The following PIEZO2 variants were observed in gnomAD, a reference collection of about 807,000 sequenced individuals.
PIEZO2 encodes the protein piezo-type mechanosensitive ion channel component 2.
In PIEZO2, 172 loss-of-function variants were observed where a neutral mutation model predicts 337.3. That is an observed-to-expected ratio of 0.51 (90% CI 0.45 to 0.58). The LOEUF (loss-of-function observed/expected upper bound fraction) is 0.58, where lower values mean the gene tolerates loss of function less well. PIEZO2 is among the 20% of genes least tolerant of loss of function. The probability of loss-of-function intolerance (pLI) is 0.00; values close to 1 mark genes in which losing one functional copy is unlikely to be tolerated. For synonymous variants in PIEZO2, 1,251 were observed against 1,228.5 expected, an observed-to-expected ratio of 1.02 and a Z score of -0.38; for missense variants, 3,028 against 3,391.3, an observed-to-expected ratio of 0.89 and a Z score of 2.66.
chr18:10,813,466 A>G lies in PIEZO2; in HGVS notation c.918-6192T>C, dbSNP rs549480926. On this transcript the variant is annotated intron_variant, in intron 7 of 55. Coordinates refer to ENST00000674853, the MANE Select transcript of PIEZO2 (RefSeq NM_001378183.1). This position sits in a 1 kb window ranked among gnomAD's most constrained non-coding sequence, Gnocchi z 4.2. Reference sequence around the variant, plus strand: ...TGTACTTTCTAAATCTGTGAATTTGACTACCTGGTACCTTATTTAGTGGAA... The same window carrying G: ...TGTACTTTCTAAATCTGTGAATTTGGCTACCTGGTACCTTATTTAGTGGAA... 8.0e-4 allele frequency among the ~76,000 whole-genome samples: 122 copies of G among 152,272 alleles called. No individual in the cohort carries two copies. The highest frequency in any genetic ancestry group is 1.4e-3 in the Non-Finnish European group (98 of 68,024).
chr18:10,779,133 T>C (rs1568047044), intron 18 of PIEZO2, among the ~76,000 whole-genome samples: 5 of 152,186 alleles, frequency 3.3e-5, no homozygotes, highest in Admixed American at 2.0e-4. Context: ...GCCTCGTTCA[T>C]TCCTCCTCCC....
chr18:11,001,759 C>T lies in PIEZO2; in HGVS notation c.161-22099G>A, dbSNP rs9961199. ...CATGCACAGTGGCTCACACCTGTAA[C>T]CCCAGCCACTCGGGAGGCTGAGGCA... is the stretch of plus-strand genomic sequence containing the variant. On this transcript the variant is annotated intron_variant, in intron 2 of 55. Transcript: ENST00000674853. This position sits in a 1 kb window ranked among gnomAD's most constrained non-coding sequence, Gnocchi z 5.3. Among the ~76,000 whole-genome samples, 5,825 of 151,918 alleles carry T rather than the reference C, an allele frequency of 0.038. 359 individuals carry two copies. Among genetic ancestry groups the T allele is most frequent in the African/African-American group, 0.13 (5,381 of 41,386 alleles).
chr18:10,780,912 C>T (rs1179274446), intron 17 of PIEZO2, among the ~76,000 whole-genome samples: 1 of 151,896 alleles, frequency 6.6e-6, no homozygotes, highest in South Asian at 2.1e-4. Flanking sequence ...ATCCACCCTC[C>T]TCAGCCTCCC....
At position 11,070,505 on chromosome 18, in the gene PIEZO2, T is replaced by A. The variant is rs1312655540; in HGVS notation, c.65-4283A>T. Among the ~76,000 whole-genome samples, 1 of 152,098 alleles carries A rather than the reference T, an allele frequency of 6.6e-6. No individual in the cohort carries two copies. The highest frequency in any genetic ancestry group is 1.9e-4 in the East Asian group (1 of 5,182). On this transcript the variant is annotated intron_variant, in intron 1 of 55. Transcript: ENST00000674853. This position sits in a 1 kb window ranked among gnomAD's most constrained non-coding sequence, Gnocchi z 4.3. Reference sequence around the variant, plus strand: ...GTGGGATGAGAGGGGGCAAGCAAACTGGCAGGTAGGAAAGAAAAAAGCAGC... The same window carrying A: ...GTGGGATGAGAGGGGGCAAGCAAACAGGCAGGTAGGAAAGAAAAAAGCAGC...
At position 10,748,363 on chromosome 18, in the gene PIEZO2, C is replaced by T. The variant is rs1487517251; in HGVS notation, c.4424+108G>A. The T allele has an allele frequency of 7.0e-6, 8 of 1,136,498 alleles. No homozygotes were observed. The highest frequency in any genetic ancestry group is 9.8e-6 in the Non-Finnish European group (8 of 815,956). 70.4% of individuals were successfully genotyped at this position (1,136,498 alleles called of 1,614,324 possible). On this transcript the variant is annotated intron_variant, in intron 30 of 55. Coordinates refer to ENST00000674853, the MANE Select transcript of PIEZO2 (RefSeq NM_001378183.1). The surrounding 1 kb of genome is among the most constrained non-coding windows in gnomAD (Gnocchi z 5.1). ...GGATTGGTTTTGCTGGAAGGGATTT[C>T]TTAACTTCTTGTGGGTTCTAGAAGC... is the stretch of plus-strand genomic sequence containing the variant.
chr18:10,828,114 C>T lies in PIEZO2; in HGVS notation c.918-20840G>A, dbSNP rs1208679872. Reference sequence around the variant, plus strand: ...CCTAGACAAGCTCGAAATAGCATGACGGTTTTTTTTTGTTTGTTTGTTTTT... The same window carrying T: ...CCTAGACAAGCTCGAAATAGCATGATGGTTTTTTTTTGTTTGTTTGTTTTT... On this transcript the variant is annotated intron_variant, in intron 7 of 55. Transcript: ENST00000674853. This position sits in a 1 kb window ranked among gnomAD's most constrained non-coding sequence, Gnocchi z 4.1. Among the ~76,000 whole-genome samples, 4 of 140,594 alleles carry T rather than the reference C, an allele frequency of 2.8e-5. No homozygotes were observed. Among genetic ancestry groups the T allele is most frequent in the Non-Finnish European group, 6.0e-5 (4 of 66,700 alleles). 92.2% of individuals were successfully genotyped at this position (140,594 alleles called of 152,430 possible).
In PIEZO2 at chr18:10,846,326, A is replaced by G. The variant is rs754387083; in HGVS notation, c.917+9027T>C. On this transcript the variant is annotated intron_variant, in intron 7 of 55. Transcript: ENST00000674853. This position sits in a 1 kb window ranked among gnomAD's most constrained non-coding sequence, Gnocchi z 4.1. ...ATCAGATTTGTGAGACTCATTCACT[A>G]TCACCAGAACAACACAGGAAAGACC... Among the ~76,000 whole-genome samples the G allele has an allele frequency of 3.3e-5, 5 of 152,174 alleles. No homozygotes were observed. The highest frequency in any genetic ancestry group is 9.6e-5 in the African/African-American group (4 of 41,454).
chr18:10,961,019 A>C (rs1408342903), intron 3 of PIEZO2, among the ~76,000 whole-genome samples: 2 of 152,172 alleles, frequency 1.3e-5, no homozygotes, highest in Non-Finnish European at 2.9e-5. Flanking sequence ...TCTACCAAAA[A>C]TACAAGAAAA....
chr18:10,868,522 A>C (rs2042061544), intron 5 of PIEZO2, among the ~76,000 whole-genome samples: 1 of 152,220 alleles, frequency 6.6e-6, no homozygotes, highest in Non-Finnish European at 1.5e-5. Context: ...AAAATCAATG[A>C]TGTAAAATAG....
At position 10,895,785 on chromosome 18, in the gene PIEZO2, G is replaced by A. The variant is rs921940663; in HGVS notation, c.329+15401C>T. On this transcript the variant is annotated intron_variant, in intron 4 of 55. Coordinates refer to ENST00000674853, the MANE Select transcript of PIEZO2 (RefSeq NM_001378183.1). The surrounding 1 kb of genome is among the most constrained non-coding windows in gnomAD (Gnocchi z 4.8). ...GTCTCTAAAACTCAGAGCCAGGCAC[G>A]GGCAGGCTCACGCCTGTAATCCCAG... Among the ~76,000 whole-genome samples the A allele has an allele frequency of 2.0e-5, 3 of 152,074 alleles. No homozygotes were observed. Among genetic ancestry groups the A allele is most frequent in the African/African-American group, 4.8e-5 (2 of 41,428 alleles).
intron 2 of PIEZO2, among the ~76,000 whole-genome samples, chr18:11,056,000 A>T (rs2037721414): frequency 6.6e-6 from 1 of 152,174 alleles, no homozygotes; most frequent in Admixed American, 6.5e-5. Flanking sequence ...GCTGAGATGG[A>T]TTCCTGGGGC....
chr18:10,710,010 G>A (rs188940698), intron 39 of PIEZO2, among the ~76,000 whole-genome samples: 1 of 152,350 alleles, frequency 6.6e-6, no homozygotes, highest in East Asian at 1.9e-4. Context: ...CTGGCTGTTG[G>A]GTTTTAGATG....
At chr18:11,082,706 T>C (rs1213522930) in intron 1 of PIEZO2, among the ~76,000 whole-genome samples, 2 of 152,216 alleles carry the variant, frequency 1.3e-5, no homozygotes, top group African/African-American at 4.8e-5. Context: ...AACTAGAGTA[T>C]ATGTGTGTAT....
intron 3 of PIEZO2, among the ~76,000 whole-genome samples, chr18:10,964,740 T>C (rs944045720): frequency 1.3e-5 from 2 of 152,150 alleles, no homozygotes; most frequent in Non-Finnish European, 2.9e-5. Flanking sequence ...CTCCTACCCA[T>C]TAAGTAATCA....
At chr18:10,769,220 G>A (rs1434289910) in intron 21 of PIEZO2, among the ~76,000 whole-genome samples, 4 of 152,268 alleles carry the variant, frequency 2.6e-5, no homozygotes, top group Non-Finnish European at 4.4e-5. Flanking sequence ...TCCATTTAAC[G>A]TATACGCCCA....
At chr18:10,937,125 G>A (rs527659699) in intron 3 of PIEZO2, among the ~76,000 whole-genome samples, 29 of 152,104 alleles carry the variant, frequency 1.9e-4, no homozygotes, top group Non-Finnish European at 4.1e-4. Flanking sequence ...AGAAAATTAC[G>A]TGTAATGACC....
chr18:10,822,415 C>T (rs1282097420), intron 7 of PIEZO2, among the ~76,000 whole-genome samples: 2 of 152,140 alleles, frequency 1.3e-5, no homozygotes, highest in Non-Finnish European at 1.5e-5. Context: ...TTAAAATTCC[C>T]TTTTCCAGGG....
At chr18:11,091,408 GAAAA>G in intron 1 of PIEZO2, among the ~76,000 whole-genome samples, 1 of 149,008 alleles carries the variant, frequency 6.7e-6, no homozygotes, top group Admixed American at 6.7e-5. Flanking sequence ...AAGAAAAAAA[GAAAA>G]AGAAAGGAAA....
chr18:10,761,028 C>T lies in PIEZO2; in HGVS notation c.3333G>A (p.Leu1111=). 6.5e-7 allele frequency: 1 copy of T among 1,536,972 alleles called. No individual in the cohort carries two copies. Among genetic ancestry groups the T allele is most frequent in the Non-Finnish European group, 8.7e-7 (1 of 1,146,650 alleles). The change falls in exon 24 of 56, where the codon CTG becomes CTA. Residue 1111 remains leucine, a synonymous_variant. Coordinates refer to ENST00000674853, the MANE Select transcript of PIEZO2 (RefSeq NM_001378183.1). The part of the protein sequence containing the change: ...HQEYYRGRNN[L]TAPVSRTIFH... ...AGATAGTTCTAGACACAGGGGCCGT[C>T]AGGTTATTTCGACCTCGATAGTATT...
Sources: allele counts gnomAD v4.1 joint callset (sites outside exome capture counted in the v4.1 genomes callset), GRCh38; gene constraint gnomAD v4.1.1; non-coding constraint Gnocchi (gnomAD v3.1); transcripts MANE v1.5; gene names NCBI Gene and HGNC (gene_info 2026-07-23, HGNC 2026-07-21).